Variants in CNIH3 observed in about 807,000 individuals in gnomAD.
The protein encoded by CNIH3 is cornichon family AMPA receptor auxiliary protein 3, also known as protein cornichon homolog 3.
In CNIH3, 14 loss-of-function variants were observed where a neutral mutation model predicts 24.1. That is an observed-to-expected ratio of 0.58 (90% CI 0.38 to 0.91). CNIH3 has a LOEUF of 0.91. CNIH3 is among the 40% of genes least tolerant of loss of function. The probability of loss-of-function intolerance (pLI) is 0.00; values close to 1 mark genes in which losing one functional copy is unlikely to be tolerated. For missense variants in CNIH3, 178 were observed against 196.8 expected (o/e 0.90, Z 0.57); for synonymous variants, 68 against 73.8 (o/e 0.92, Z 0.40).
intron 1 of CNIH3, among the ~76,000 whole-genome samples, chr1:224,471,008 A>G (rs920001452): frequency 6.6e-6 from 1 of 152,102 alleles, no homozygotes; most frequent in African/African-American, 2.4e-5. Flanking sequence ...ATTTTTTACT[A>G]TAGTCACCTC....
At chr1:224,490,691 A>G (rs1677206818) in intron 1 of CNIH3, among the ~76,000 whole-genome samples, 1 of 152,214 alleles carries the variant, frequency 6.6e-6, no homozygotes, top group Non-Finnish European at 1.5e-5. Context: ...TAAATCCTCC[A>G]TATCTGTAAT....
chr1:224,554,844 C>A (rs1680071298), intron 3 of CNIH3, among the ~76,000 whole-genome samples: 2 of 152,132 alleles, frequency 1.3e-5, no homozygotes, highest in Admixed American at 1.3e-4. Context: ...GCCTCGACCT[C>A]CCAAAGTGCT....
intron 3 of CNIH3, among the ~76,000 whole-genome samples, chr1:224,715,844 G>T (rs980371600): frequency 6.6e-6 from 1 of 152,152 alleles, no homozygotes; most frequent in Non-Finnish European, 1.5e-5. Flanking sequence ...CCTCCCATTA[G>T]GCCCCACTTC....
chr1:224,456,171 C>T (rs1483581819), intron 1 of CNIH3, among the ~76,000 whole-genome samples: 5 of 152,164 alleles, frequency 3.3e-5, no homozygotes, highest in Non-Finnish European at 7.3e-5. Context: ...ATAATATGGT[C>T]CATGAAGAGG....
chr1:224,524,435 G>A (rs1678765502), intron 2 of CNIH3, among the ~76,000 whole-genome samples: 1 of 152,130 alleles, frequency 6.6e-6, no homozygotes, highest in African/African-American at 2.4e-5. Context: ...TGTTGGGTTG[G>A]TTTACATTTA....
chr1:224,560,739 A>G lies in CNIH3; in HGVS notation n.451-5460A>G, dbSNP rs573330603. Among the ~76,000 whole-genome samples the G allele has an allele frequency of 3.9e-5, 6 of 152,182 alleles. No homozygotes were observed. In the South Asian group the frequency reaches 1.0e-3, roughly 26 times the overall value. ...AGCTCAGGGCTCCCACGGATTCTAC[A>G]TTATGGTGAGTTGAATAATTACTTC... On this transcript the variant is annotated intron_variant and non_coding_transcript_variant, in intron 3 of 5. Coordinates refer to the CNIH3 transcript ENST00000471578.
At chr1:224,473,084 A>C (rs1676431108) in intron 1 of CNIH3, among the ~76,000 whole-genome samples, 1 of 152,214 alleles carries the variant, frequency 6.6e-6, no homozygotes, top group Non-Finnish European at 1.5e-5. Flanking sequence ...TTGAAGAAAA[A>C]GCCTTAGTTT....
At chr1:224,726,110 TG>T (rs1463789248) in intron 3 of CNIH3, among the ~76,000 whole-genome samples, 2 of 152,380 alleles carry the variant, frequency 1.3e-5, no homozygotes, top group African/African-American at 4.8e-5. Context: ...ACAGCTGAGC[TG>T]AGCATGGCAT....
At position 224,617,112 on chromosome 1, in the gene CNIH3, T is replaced by TA; in HGVS notation, c.-62dup. 6.3e-7 allele frequency: 1 copy of TA among 1,599,060 alleles called. No homozygotes were observed. The highest frequency in any genetic ancestry group is 8.5e-7 in the Non-Finnish European group (1 of 1,173,122). On this transcript the variant is annotated 5_prime_UTR_variant, in exon 1 of 6. Coordinates refer to ENST00000272133, the MANE Select transcript of CNIH3 (RefSeq NM_152495.2). ...GCTCCTTGGAGGGAGTGCGGTCCTC[T>TA]AGGGAGGCATCGGGCTCCTAGGGGC...
chr1:224,493,804 C>A (rs1176134273), intron 1 of CNIH3, among the ~76,000 whole-genome samples: 5 of 152,028 alleles, frequency 3.3e-5, no homozygotes, highest in Non-Finnish European at 5.9e-5. Flanking sequence ...GGAGAGAGTG[C>A]GATTCCTTTC....
At chr1:224,490,268 T>C (rs764303613) in intron 1 of CNIH3, among the ~76,000 whole-genome samples, 2 of 152,258 alleles carry the variant, frequency 1.3e-5, no homozygotes, top group African/African-American at 4.8e-5. Flanking sequence ...GGTTGAGACA[T>C]ATCTTCAGGC....
At chr1:224,563,491 G>C (rs1366519256) in intron 3 of CNIH3, among the ~76,000 whole-genome samples, 6 of 151,506 alleles carry the variant, frequency 4.0e-5, no homozygotes, top group Admixed American at 6.6e-5. Context: ...GTGTGTGTGT[G>C]TGTGTGTATT....
At chr1:224,467,069 A>T (rs765446397) in intron 1 of CNIH3, among the ~76,000 whole-genome samples, 1 of 152,148 alleles carries the variant, frequency 6.6e-6, no homozygotes, top group Non-Finnish European at 1.5e-5. Context: ...TCTGTTACCC[A>T]TGCTGGAGTG....
intron 1 of CNIH3, among the ~76,000 whole-genome samples, chr1:224,456,021 CTAAAG>C (rs1675635449): frequency 6.6e-6 from 1 of 152,162 alleles, no homozygotes. Flanking sequence ...TGTATAGTGA[CTAAAG>C]TAATTACTGT....
At chr1:224,440,505 A>G (rs1245367293) in intron 1 of CNIH3, among the ~76,000 whole-genome samples, 1 of 152,210 alleles carries the variant, frequency 6.6e-6, no homozygotes, top group African/African-American at 2.4e-5. Flanking sequence ...GATTACAGAC[A>G]TGAGCAACTG....
chr1:224,528,775 A>G (rs1425526272), intron 2 of CNIH3, among the ~76,000 whole-genome samples: 1 of 152,230 alleles, frequency 6.6e-6, no homozygotes, highest in Non-Finnish European at 1.5e-5. Flanking sequence ...ATTCATTTTT[A>G]AAAAGAATTA....
intron 2 of CNIH3, among the ~76,000 whole-genome samples, chr1:224,524,128 C>A (rs1466613604): frequency 6.6e-6 from 1 of 152,212 alleles, no homozygotes; most frequent in Non-Finnish European, 1.5e-5. Context: ...CCCCTGCTCC[C>A]AAATCTGCAC....
intron 1 of CNIH3, among the ~76,000 whole-genome samples, chr1:224,626,505 T>C (rs1340077182): frequency 6.6e-6 from 1 of 152,218 alleles, no homozygotes; most frequent in African/African-American, 2.4e-5. Context: ...CTAAAAAATA[T>C]ATCTAAAGAT....
chr1:224,687,195 C>A (rs1360927239), intron 3 of CNIH3, among the ~76,000 whole-genome samples: 2 of 152,236 alleles, frequency 1.3e-5, no homozygotes, highest in African/African-American at 4.8e-5. Context: ...GCCAGCACCT[C>A]TTCACTAACT....
Sources: allele counts gnomAD v4.1 joint callset (sites outside exome capture counted in the v4.1 genomes callset), GRCh38; gene constraint gnomAD v4.1.1; transcripts MANE v1.5; gene names NCBI Gene and HGNC (gene_info 2026-07-23, HGNC 2026-07-21).